Variants in GPR158 observed in about 807,000 individuals in gnomAD.
GPR158 encodes the protein G protein-coupled receptor 158.
GPR158 carries 30 observed loss-of-function variants against 78.2 expected under a neutral mutation model. That is an observed-to-expected ratio of 0.38 (90% CI 0.29 to 0.52). The LOEUF is 0.52. Ranked by LOEUF, GPR158 falls within the 20% of genes least tolerant of loss-of-function variation. GPR158 has a pLI of 0.83. For synonymous variants in GPR158, 581 were observed against 591.1 expected (o/e 0.98, Z 0.25); for missense variants, 1,463 against 1,523.5 (o/e 0.96, Z 0.66).
intron 2 of GPR158, among the ~76,000 whole-genome samples, chr10:25,349,852 A>G (rs1855432659): frequency 7.8e-6 from 1 of 128,004 alleles, no homozygotes; most frequent in South Asian, 2.1e-4. Flanking sequence ...TACAGAAGGT[A>G]GAGCTACCAC....
At position 25,205,532 on chromosome 10, in the gene GPR158, T is replaced by C. The variant is rs968017709; in HGVS notation, c.903-15520T>C. On this transcript the variant is annotated intron_variant, in intron 1 of 10. Coordinates refer to ENST00000376351, the MANE Select transcript of GPR158 (RefSeq NM_020752.3). Reference sequence around the variant, plus strand: ...GTGATGTTCGGCTGTTAATTTGAGATCCTTCTTTTTTGGTGTGGGCAGTTA... The same window carrying C: ...GTGATGTTCGGCTGTTAATTTGAGACCCTTCTTTTTTGGTGTGGGCAGTTA... Among the ~76,000 whole-genome samples the C allele has an allele frequency of 5.9e-5, 9 of 152,250 alleles. No individual in the cohort carries two copies. The East Asian group carries it at 1.7e-3, about 29-fold the overall frequency.
chr10:25,327,662 T>C (rs185545792), intron 2 of GPR158, among the ~76,000 whole-genome samples: 1 of 152,344 alleles, frequency 6.6e-6, no homozygotes, highest in Admixed American at 6.5e-5. Flanking sequence ...ATAGCCACCC[T>C]AGCTTTTATA....
intron 2 of GPR158, among the ~76,000 whole-genome samples, chr10:25,233,836 A>G (rs1385769564): frequency 1.3e-5 from 2 of 152,236 alleles, no homozygotes; most frequent in Non-Finnish European, 2.9e-5. Flanking sequence ...GAGAGAGGAG[A>G]ATCCAGTTGT....
chr10:25,394,212 G>A (rs938222032), intron 2 of GPR158, among the ~76,000 whole-genome samples: 1 of 152,068 alleles, frequency 6.6e-6, no homozygotes, highest in African/African-American at 2.4e-5. Flanking sequence ...CATCATGGTG[G>A]CACTACCTTT....
At chr10:25,417,316 A>G (rs1403709198) in intron 4 of GPR158, among the ~76,000 whole-genome samples, 1 of 152,154 alleles carries the variant, frequency 6.6e-6, no homozygotes, top group Non-Finnish European at 1.5e-5. Flanking sequence ...GTCCTGATAC[A>G]CTGTTCTTGG....
rs1390981438 is a variant in GPR158 at position 25,175,812 on chromosome 10, ACG to A, written c.394_395del (p.Ala132HisfsTer12). ...CACCGGGCGCTGGACACACTGACACACGCCACCAACTTCCTCAACGTGATGCT... is the reference window on the plus strand; with the variant it reads ...CACCGGGCGCTGGACACACTGACACACCACCAACTTCCTCAACGTGATGCT... On this transcript the variant is annotated frameshift_variant, in exon 1 of 11. Transcript: ENST00000376351. LOFTEE classifies it high-confidence loss of function. The surrounding 1 kb of genome is among the most constrained non-coding windows in gnomAD (Gnocchi z 6.4). 1 of 1,612,284 alleles carries A rather than the reference ACG, an allele frequency of 6.2e-7. No individual in the cohort carries two copies. Among genetic ancestry groups the A allele is most frequent in the Non-Finnish European group, 8.5e-7 (1 of 1,179,982 alleles).
chr10:25,474,390 T>C (rs1442029685), intron 5 of GPR158, among the ~76,000 whole-genome samples: 3 of 152,154 alleles, frequency 2.0e-5, no homozygotes, highest in Non-Finnish European at 4.4e-5. Context: ...TATTTTGGTT[T>C]TGAAGATTCT....
chr10:25,187,378 C>A (rs543282460), intron 1 of GPR158, among the ~76,000 whole-genome samples: 65 of 152,196 alleles, frequency 4.3e-4, no homozygotes, highest in African/African-American at 1.5e-3. Context: ...ATGCAAAAAT[C>A]CTCAATAAAA....
At position 25,589,056 on chromosome 10, in the gene GPR158, G is replaced by A. The variant is rs914803507; in HGVS notation, c.1803G>A (p.Arg601=). 7 of 1,612,038 alleles carry A rather than the reference G, an allele frequency of 4.3e-6. No homozygotes were observed. The highest frequency in any genetic ancestry group is 5.1e-6 in the Non-Finnish European group (6 of 1,178,484). The change falls in exon 8 of 11, where the codon CGG becomes CGA. Residue 601 remains arginine, a synonymous_variant. Coordinates refer to ENST00000376351, the MANE Select transcript of GPR158 (RefSeq NM_020752.3). Reference sequence around the variant, plus strand: ...GTGTTTATCTCTGCTATGCAGTGCGGACAGTCCCATCGGCATTCCATGAGC... The same window carrying A: ...GTGTTTATCTCTGCTATGCAGTGCGAACAGTCCCATCGGCATTCCATGAGC... ...LWGVYLCYAV[R]TVPSAFHEPR...
intron 2 of GPR158, among the ~76,000 whole-genome samples, chr10:25,336,852 C>T (rs1389296813): frequency 6.6e-6 from 1 of 152,076 alleles, no homozygotes; most frequent in African/African-American, 2.4e-5. Context: ...CTGTCAACCT[C>T]TTGGATTCTT....
intron 2 of GPR158, 27 bp downstream of exon 2, chr10:25,221,184 T>C (rs549063753): frequency 5.3e-6 from 6 of 1,122,314 alleles, no homozygotes; most frequent in Non-Finnish European, 8.1e-6. Context: ...AAAATCCTCT[T>C]TAAGCTCAGG....
chr10:25,266,512 A>G (rs767599687), intron 2 of GPR158, among the ~76,000 whole-genome samples: 12 of 152,186 alleles, frequency 7.9e-5, no homozygotes, highest in Non-Finnish European at 1.3e-4. Flanking sequence ...GTTCCATTTA[A>G]TGGAATTAAA....
intron 1 of GPR158, among the ~76,000 whole-genome samples, chr10:25,198,313 G>C (rs182113022): frequency 1.3e-5 from 2 of 152,334 alleles, no homozygotes; most frequent in East Asian, 3.9e-4. Flanking sequence ...AAGCCAGACA[G>C]ATGGAAGACG....
At chr10:25,285,066 T>TTGTGTGTGTGTGTGTGTG (rs149094801) in intron 2 of GPR158, among the ~76,000 whole-genome samples, 73 of 149,148 alleles carry the variant, frequency 4.9e-4, no homozygotes, top group African/African-American at 1.7e-3. Flanking sequence ...GTTCTATTCA[T>TTGTGTGTGTGTGTGTGTG]TGTGTGTGTG....
chr10:25,380,562 A>G (rs1047316873), intron 2 of GPR158, among the ~76,000 whole-genome samples: 7 of 152,176 alleles, frequency 4.6e-5, no homozygotes, highest in African/African-American at 7.2e-5. Flanking sequence ...GTTTTGGAGT[A>G]CAATTACTTA....
rs942176314 is a variant in GPR158, at chr10:25,409,592, A to G, written c.1112-2658A>G. 6.6e-5 allele frequency among the ~76,000 whole-genome samples: 10 copies of G among 152,216 alleles called. 1 individual carries two copies. Among genetic ancestry groups the G allele is most frequent in the Admixed American group, 4.6e-4 (7 of 15,280 alleles). On this transcript the variant is annotated intron_variant, in intron 3 of 10. Transcript: ENST00000376351. The stretch of plus-strand genomic sequence containing the variant: ...GCTAAAAAACAAAACACCTTTTAAA[A>G]AATCTTTGATTTACCTCTACTTTTT...
At chr10:25,440,049 T>A (rs956499649) in intron 4 of GPR158, among the ~76,000 whole-genome samples, 1 of 152,210 alleles carries the variant, frequency 6.6e-6, no homozygotes, top group African/African-American at 2.4e-5. Flanking sequence ...CACCTGTAAT[T>A]ATATAACCTG....
intron 6 of GPR158, among the ~76,000 whole-genome samples, chr10:25,554,105 G>A (rs544846079): frequency 3.3e-5 from 5 of 152,224 alleles, no homozygotes; most frequent in African/African-American, 1.2e-4. Context: ...CCATTGAAGG[G>A]AAAGCTAAAG....
At chr10:25,376,037 A>G (rs921820542) in intron 2 of GPR158, among the ~76,000 whole-genome samples, 2 of 151,598 alleles carry the variant, frequency 1.3e-5, no homozygotes, top group African/African-American at 4.8e-5. Context: ...CCTCATTTAT[A>G]TAGGTCTTTG....
Sources: allele counts gnomAD v4.1 joint callset (sites outside exome capture counted in the v4.1 genomes callset), GRCh38; gene constraint gnomAD v4.1.1; non-coding constraint Gnocchi (gnomAD v3.1); transcripts MANE v1.5; gene names NCBI Gene and HGNC (gene_info 2026-07-23, HGNC 2026-07-21).